PID1: variants seen among roughly 807,000 people sequenced by gnomAD.
The protein encoded by PID1 is phosphotyrosine interaction domain containing 1.
A neutral mutation model predicts 19.1 loss-of-function variants in PID1; 10 were observed. The ratio of observed to expected loss-of-function variants is 0.52; its 90% confidence interval spans 0.32 to 0.89. The LOEUF is 0.89. PID1 is among the 40% of genes least tolerant of loss of function. PID1 has a pLI of 0.03. For missense variants in PID1, 248 were observed against 285.3 expected (o/e 0.87, Z 0.94); for synonymous variants, 130 against 116.0 (o/e 1.12, Z -0.78).
chr2:229,174,772 G>A lies in PID1; in HGVS notation c.31-18808C>T, dbSNP rs373808189. ...AGTACAGGTTTAAATAAAACACTATGATAAATGCTAAAAGGTATGAAAGTG... is the reference window on the plus strand; with the variant it reads ...AGTACAGGTTTAAATAAAACACTATAATAAATGCTAAAAGGTATGAAAGTG... On this transcript the variant is annotated intron_variant, in intron 1 of 2. Coordinates refer to ENST00000392055, the MANE Select transcript of PID1 (RefSeq NM_001100818.2). Among the ~76,000 whole-genome samples, 31 of 151,078 alleles carry A rather than the reference G, an allele frequency of 2.1e-4. No individual in the cohort carries two copies. In the South Asian group the frequency reaches 5.3e-3, roughly 26 times the overall value.
intron 1 of PID1, among the ~76,000 whole-genome samples, chr2:229,246,604 G>T (rs1020538899): frequency 2.6e-5 from 4 of 152,138 alleles, no homozygotes; most frequent in African/African-American, 9.7e-5. Context: ...AGTTGCAGAG[G>T]AAGAACCATC....
chr2:229,163,053 TTTTA>T (rs1322472760), intron 1 of PID1, among the ~76,000 whole-genome samples: 1 of 152,210 alleles, frequency 6.6e-6, no homozygotes, highest in Non-Finnish European at 1.5e-5. Flanking sequence ...TAAAATGACC[TTTTA>T]TTTAAACTTT....
intron 1 of PID1, among the ~76,000 whole-genome samples, chr2:229,170,605 T>G (rs942857333): frequency 3.9e-5 from 6 of 152,228 alleles, no homozygotes; most frequent in African/African-American, 1.4e-4. Context: ...TTTTCTCTTT[T>G]GCTCTCTTCT....
chr2:229,047,186 G>T (rs969926586), intron 2 of PID1, among the ~76,000 whole-genome samples: 1 of 152,170 alleles, frequency 6.6e-6, no homozygotes, highest in African/African-American at 2.4e-5. Flanking sequence ...TCATGCCAAG[G>T]ATACAGACCC....
At chr2:229,108,916 T>G (rs1309041652) in intron 2 of PID1, among the ~76,000 whole-genome samples, 2 of 152,196 alleles carry the variant, frequency 1.3e-5, no homozygotes, top group African/African-American at 4.8e-5. Flanking sequence ...ACCTGAGTAC[T>G]CTCTGTATGA....
chr2:229,258,464 C>T (rs13429353), intron 1 of PID1, among the ~76,000 whole-genome samples: 1 of 152,138 alleles, frequency 6.6e-6, no homozygotes, highest in Non-Finnish European at 1.5e-5. Flanking sequence ...ATGAAAAATT[C>T]TCAGGAGTGA....
chr2:229,165,896 G>C (rs1347593680), intron 1 of PID1, among the ~76,000 whole-genome samples: 1 of 152,010 alleles, frequency 6.6e-6, no homozygotes, highest in African/African-American at 2.4e-5. Flanking sequence ...CAAACTACTA[G>C]AATGGATGAG....
At chr2:229,238,773 T>C (rs1057502930) in intron 1 of PID1, among the ~76,000 whole-genome samples, 1 of 152,082 alleles carries the variant, frequency 6.6e-6, no homozygotes, top group African/African-American at 2.4e-5. Flanking sequence ...CAGAGAGCAT[T>C]ACCAAGTGGG....
intron 2 of PID1, among the ~76,000 whole-genome samples, chr2:229,093,138 CTT>C (rs869034125): frequency 8.2e-5 from 2 of 24,498 alleles, no homozygotes; most frequent in Admixed American, 2.3e-4. Flanking sequence ...TTTTCTTTTT[CTT>C]TTTTTTTTTT....
intron 1 of PID1, among the ~76,000 whole-genome samples, chr2:229,167,762 A>T (rs1476463351): frequency 6.6e-6 from 1 of 152,202 alleles, no homozygotes; most frequent in Non-Finnish European, 1.5e-5. Context: ...GATTATACAA[A>T]ATTTAATCAT....
intron 1 of PID1, among the ~76,000 whole-genome samples, chr2:229,173,238 G>T (rs1383984369): frequency 6.6e-6 from 1 of 152,160 alleles, no homozygotes; most frequent in Non-Finnish European, 1.5e-5. Flanking sequence ...GACCTAGCAT[G>T]GGGTCTGTCC....
intron 2 of PID1, among the ~76,000 whole-genome samples, chr2:229,116,021 C>T (rs190509276): frequency 6.6e-5 from 10 of 151,946 alleles, no homozygotes; most frequent in East Asian, 3.9e-4. Flanking sequence ...GAGATGGAGA[C>T]GACCATCCTG....
At chr2:229,088,037 T>C (rs1694803518) in intron 2 of PID1, among the ~76,000 whole-genome samples, 2 of 152,282 alleles carry the variant, frequency 1.3e-5, no homozygotes, top group East Asian at 1.9e-4. Flanking sequence ...AGAGGACTTC[T>C]TGTTCCATGT....
intron 1 of PID1, among the ~76,000 whole-genome samples, chr2:229,222,966 C>T (rs1692005325): frequency 6.6e-6 from 1 of 152,028 alleles, no homozygotes; most frequent in African/African-American, 2.4e-5. Context: ...TACCAAATCA[C>T]TTCCTGTTAT....
At chr2:229,070,792 C>T (rs761827298) in intron 2 of PID1, among the ~76,000 whole-genome samples, 95 of 152,230 alleles carry the variant, frequency 6.2e-4, no homozygotes, top group Non-Finnish European at 1.1e-3. Context: ...GATGAGAATT[C>T]CCTGTGTGGC....
At chr2:229,180,439 A>G (rs1336832611) in intron 1 of PID1, among the ~76,000 whole-genome samples, 1 of 152,200 alleles carries the variant, frequency 6.6e-6, no homozygotes, top group Non-Finnish European at 1.5e-5. Context: ...AAAAAGTCTC[A>G]AAATGTCAAT....
At chr2:229,087,341 G>A (rs1014173) in intron 2 of PID1, among the ~76,000 whole-genome samples, 9,957 of 152,176 alleles carry the variant, frequency 0.065, 558 homozygotes, top group Admixed American at 0.18. Context: ...AGACAACAAA[G>A]AGTACTTGTG....
intron 1 of PID1, among the ~76,000 whole-genome samples, chr2:229,156,621 G>A (rs1456966690): frequency 6.6e-6 from 1 of 152,138 alleles, no homozygotes. Flanking sequence ...CTTGGTCTAT[G>A]ATAATGACAT....
intron 2 of PID1, among the ~76,000 whole-genome samples, chr2:229,092,056 C>T (rs1230672739): frequency 2.7e-5 from 3 of 112,102 alleles, no homozygotes; most frequent in East Asian, 4.3e-4. Context: ...TAATGCCAAT[C>T]GTCCTGGCTT....
Sources: gnomAD v4.1 joint callset for allele counts (sites outside exome capture counted in the v4.1 genomes callset) on GRCh38, gnomAD v4.1.1 for gene constraint, MANE v1.5 for transcripts, NCBI Gene and HGNC (gene_info 2026-07-23, HGNC 2026-07-21) for gene names.